Variants in GNG12 observed in about 807,000 individuals in gnomAD.
GNG12 encodes the protein guanine nucleotide-binding protein G(I)/G(S)/G(O) subunit gamma-12.
For missense variants in GNG12, 69 were observed against 83.8 expected, an observed-to-expected ratio of 0.82 and a Z score of 0.69; for synonymous variants, 28 against 29.7, an observed-to-expected ratio of 0.94 and a Z score of 0.19.
At chr1:67,830,711 T>A (rs1175079416) in intron 1 of GNG12, among the ~76,000 whole-genome samples, 2 of 152,244 alleles carry the variant, frequency 1.3e-5, no homozygotes, top group African/African-American at 4.8e-5. Flanking sequence ...ATATTAAAAC[T>A]ATTAATCCTT....
At position 67,727,213 on chromosome 1, in the gene GNG12, T is replaced by C. The variant is rs192371812; in HGVS notation, c.-26-19501A>G. 6.6e-5 allele frequency among the ~76,000 whole-genome samples: 10 copies of C among 152,350 alleles called. No homozygotes were observed. The East Asian group carries it at 1.9e-3, about 29-fold the overall frequency. On this transcript the variant is annotated intron_variant, in intron 2 of 3. Coordinates refer to ENST00000370982, the MANE Select transcript of GNG12 (RefSeq NM_018841.6). ...TTTAATTGCAAAGTTAATTAAACTT[T>C]TCTAGCACTCAATGGGTCCAGGGAT...
At chr1:67,742,676 TATAA>T (rs1646489278) in intron 2 of GNG12, among the ~76,000 whole-genome samples, 1 of 152,200 alleles carries the variant, frequency 6.6e-6, no homozygotes, top group South Asian at 2.1e-4. Flanking sequence ...ATATTTTTAT[TATAA>T]ATAAAGTCAC....
At chr1:67,825,847 T>C (rs1434341522) in intron 1 of GNG12, among the ~76,000 whole-genome samples, 1 of 152,168 alleles carries the variant, frequency 6.6e-6, no homozygotes, top group African/African-American at 2.4e-5. Context: ...TATTAGGCAA[T>C]ACTGAGCATG....
intron 1 of GNG12, among the ~76,000 whole-genome samples, chr1:67,802,728 G>C (rs1646873835): frequency 6.6e-6 from 1 of 152,118 alleles, no homozygotes; most frequent in South Asian, 2.1e-4. Flanking sequence ...CTCTGCCCCT[G>C]TCTAGACAGC....
In GNG12 at chr1:67,703,731, A is replaced by C. The variant is rs1194429759; in HGVS notation, c.*1720T>G. 1 of 152,214 alleles carries C rather than the reference A, an allele frequency of 6.6e-6. No homozygotes were observed. The highest frequency in any genetic ancestry group is 1.5e-5 in the Non-Finnish European group (1 of 68,044). 9.4% of individuals were successfully genotyped at this position (152,214 alleles called of 1,614,324 possible). ...CTTAGAAAAGCGAGGGGCATTCATA[A>C]GGCTGAGTAGATAGCAACTTGGAGA... is the stretch of plus-strand genomic sequence containing the variant. On this transcript the variant is annotated 3_prime_UTR_variant, in exon 4 of 4. Transcript: ENST00000370982.
At chr1:67,809,829 C>T (rs72924735) in intron 1 of GNG12, among the ~76,000 whole-genome samples, 2,873 of 152,114 alleles carry the variant, frequency 0.019, 96 homozygotes, top group African/African-American at 0.065. Flanking sequence ...TGTGGGAACG[C>T]AAAATGGTAC....
At chr1:67,774,722 C>A (rs895249917) in intron 2 of GNG12, among the ~76,000 whole-genome samples, 1 of 152,206 alleles carries the variant, frequency 6.6e-6, no homozygotes, top group Non-Finnish European at 1.5e-5. Context: ...CCCACCAAAT[C>A]AAAATGCCTT....
intron 1 of GNG12, among the ~76,000 whole-genome samples, chr1:67,801,727 G>A (rs920988086): frequency 1.3e-5 from 2 of 152,056 alleles, no homozygotes; most frequent in Non-Finnish European, 2.9e-5. Context: ...CCAAATTCTC[G>A]CTTAACGGTG....
intron 1 of GNG12, among the ~76,000 whole-genome samples, chr1:67,821,394 A>C (rs948655891): frequency 1.3e-5 from 2 of 152,180 alleles, no homozygotes; most frequent in Non-Finnish European, 2.9e-5. Context: ...TAATGTTGCT[A>C]GTTCTGATAT....
rs1386743150 is a variant in GNG12, at chr1:67,710,104, ATATATATAGT to A, written c.-26-2402_-26-2393del. Among the ~76,000 whole-genome samples, 125 of 30,756 alleles carry A rather than the reference ATATATATAGT, an allele frequency of 4.1e-3. 1 individual carries two copies. The highest frequency in any genetic ancestry group is 0.012 in the Middle Eastern group (1 of 86). 20.2% of individuals were successfully genotyped at this position (30,756 alleles called of 152,430 possible). ...TATATATATAGTTATATATATAGTT[ATATATATAGT>A]TATATATATAGTTATATATATAGTT... On this transcript the variant is annotated intron_variant, in intron 2 of 3. Transcript: ENST00000370982.
intron 2 of GNG12, among the ~76,000 whole-genome samples, chr1:67,736,232 C>G (rs1231011678): frequency 6.6e-6 from 1 of 152,110 alleles, no homozygotes; most frequent in East Asian, 1.9e-4. Flanking sequence ...CCTGACACAA[C>G]GCCCACCTCT....
chr1:67,766,104 A>G (rs1409452800), intron 2 of GNG12, among the ~76,000 whole-genome samples: 1 of 135,410 alleles, frequency 7.4e-6, no homozygotes, highest in Non-Finnish European at 1.5e-5. Flanking sequence ...CAAGGCACAC[A>G]CGCACACACA....
intron 2 of GNG12, among the ~76,000 whole-genome samples, chr1:67,736,487 A>G (rs1484687118): frequency 6.6e-6 from 1 of 152,154 alleles, no homozygotes; most frequent in African/African-American, 2.4e-5. Flanking sequence ...TTGTGCAGCT[A>G]TGTAAATGAA....
At chr1:67,719,838 C>G (rs559838406) in intron 2 of GNG12, among the ~76,000 whole-genome samples, 1 of 152,324 alleles carries the variant, frequency 6.6e-6, no homozygotes, top group Non-Finnish European at 1.5e-5. Context: ...TAAAGCCATG[C>G]CCTAAGCAGA....
chr1:67,833,300 G>T, intron 1 of GNG12, 44 bp downstream of exon 1: 1 of 795,004 alleles, frequency 1.3e-6, no homozygotes, highest in Non-Finnish European at 1.5e-6. Flanking sequence ...CCCCGACCCC[G>T]CGGGGACCCG....
chr1:67,788,787 G>A (rs1296852404), intron 1 of GNG12, among the ~76,000 whole-genome samples: 4 of 152,082 alleles, frequency 2.6e-5, no homozygotes, highest in East Asian at 1.9e-4. Flanking sequence ...CTTACTGTTC[G>A]ACAGATTTAA....
intron 2 of GNG12, among the ~76,000 whole-genome samples, chr1:67,741,092 G>A (rs1646480678): frequency 6.6e-6 from 1 of 152,128 alleles, no homozygotes; most frequent in South Asian, 2.1e-4. Context: ...GCATTAATCA[G>A]ACAGCTTATT....
At chr1:67,787,885 G>A (rs923220213) in intron 1 of GNG12, among the ~76,000 whole-genome samples, 8 of 152,080 alleles carry the variant, frequency 5.3e-5, no homozygotes, top group Non-Finnish European at 1.0e-4. Flanking sequence ...GCTTTGCCTG[G>A]GACTTCCCAG....
intron 2 of GNG12, among the ~76,000 whole-genome samples, chr1:67,775,624 A>G (rs1484295131): frequency 6.6e-6 from 1 of 152,238 alleles, no homozygotes; most frequent in African/African-American, 2.4e-5. Context: ...CCCTGTGCTA[A>G]GTACTACAAG....
Sources: allele counts gnomAD v4.1 joint callset (sites outside exome capture counted in the v4.1 genomes callset), GRCh38; gene constraint gnomAD v4.1.1; transcripts MANE v1.5; gene names NCBI Gene and HGNC (gene_info 2026-07-23, HGNC 2026-07-21).